CACNA2D3: variants seen among roughly 807,000 people sequenced by gnomAD.
CACNA2D3 encodes the protein calcium voltage-gated channel auxiliary subunit alpha2delta 3.
Under a neutral mutation model 160.6 loss-of-function variants are expected in CACNA2D3, and 60 were observed. That is an observed-to-expected ratio of 0.37 (90% CI 0.30 to 0.46). CACNA2D3 has a LOEUF of 0.46. CACNA2D3 is among the 20% of genes least tolerant of loss of function. CACNA2D3 has a pLI of 1.00. For missense variants in CACNA2D3, 1,205 were observed against 1,365.0 expected (o/e 0.88, Z 1.85); for synonymous variants, 558 against 492.9 (o/e 1.13, Z -1.75).
chr3:54,652,036 G>T (rs780844876), intron 11 of CACNA2D3, among the ~76,000 whole-genome samples: 1 of 151,800 alleles, frequency 6.6e-6, no homozygotes, highest in Non-Finnish European at 1.5e-5. Flanking sequence ...TTGACTGGTT[G>T]AGAGGAGAAG....
At chr3:54,885,181 C>A in intron 21 of CACNA2D3, 100 bp from the exon 22 acceptor site, 1 of 1,260,298 alleles carries the variant, frequency 7.9e-7, no homozygotes. Context: ...TTGATGTCTA[C>A]CCTTAACCCA....
intron 31 of CACNA2D3, among the ~76,000 whole-genome samples, chr3:55,003,580 C>T (rs1442804581): frequency 1.3e-5 from 2 of 151,908 alleles, no homozygotes; most frequent in South Asian, 2.1e-4. Flanking sequence ...TGCCCGTCTT[C>T]GTAGGGGAGG....
chr3:54,192,779 A>T (rs1318285263), intron 2 of CACNA2D3, among the ~76,000 whole-genome samples: 1 of 152,142 alleles, frequency 6.6e-6, no homozygotes, highest in East Asian at 1.9e-4. Context: ...CAGCAAATGA[A>T]CCAGGGGTTA....
intron 2 of CACNA2D3, among the ~76,000 whole-genome samples, chr3:54,277,836 T>C (rs1702782046): frequency 6.6e-6 from 1 of 152,148 alleles, no homozygotes; most frequent in African/African-American, 2.4e-5. Flanking sequence ...CTTGAAGAGG[T>C]CCTTCACATC....
chr3:54,819,247 A>C (rs1031701035), intron 14 of CACNA2D3, among the ~76,000 whole-genome samples: 3 of 152,182 alleles, frequency 2.0e-5, no homozygotes, highest in African/African-American at 7.2e-5. Flanking sequence ...CTCTAAGCCT[A>C]CATGTTTTTA....
intron 10 of CACNA2D3, among the ~76,000 whole-genome samples, chr3:54,629,505 G>C (rs1032668451): frequency 2.0e-5 from 3 of 152,166 alleles, no homozygotes; most frequent in African/African-American, 7.2e-5. Flanking sequence ...AAGGAGAGAA[G>C]GTGCCAAGTC....
chr3:54,678,354 G>A (rs1700279144), intron 11 of CACNA2D3, among the ~76,000 whole-genome samples: 1 of 152,104 alleles, frequency 6.6e-6, no homozygotes, highest in African/African-American at 2.4e-5. Flanking sequence ...ACAAGAGAGA[G>A]TTTAATAGGA....
At chr3:54,935,716 G>A (rs200837970) in intron 27 of CACNA2D3, among the ~76,000 whole-genome samples, 1 of 152,138 alleles carries the variant, frequency 6.6e-6, no homozygotes, top group East Asian at 1.9e-4. Flanking sequence ...TTCAGTTTCT[G>A]TAATAGATTA....
intron 11 of CACNA2D3, among the ~76,000 whole-genome samples, chr3:54,692,133 C>G (rs937103691): frequency 2.6e-5 from 4 of 152,054 alleles, no homozygotes; most frequent in African/African-American, 7.2e-5. Flanking sequence ...GCCACCATGC[C>G]CAGCTAATTT....
At chr3:54,710,717 C>T (rs918665118) in intron 11 of CACNA2D3, among the ~76,000 whole-genome samples, 1 of 152,148 alleles carries the variant, frequency 6.6e-6, no homozygotes, top group Non-Finnish European at 1.5e-5. Flanking sequence ...AAGAGCCTCT[C>T]CCTATAGAAA....
chr3:54,842,593 CT>C (rs1215382528), intron 16 of CACNA2D3, among the ~76,000 whole-genome samples: 1 of 137,680 alleles, frequency 7.3e-6, no homozygotes, highest in African/African-American at 2.7e-5. Flanking sequence ...TTCTCTTTTT[CT>C]TTTTTTTCTT....
chr3:54,422,544 G>A (rs1290773341), intron 4 of CACNA2D3, among the ~76,000 whole-genome samples: 2 of 152,156 alleles, frequency 1.3e-5, no homozygotes, highest in Non-Finnish European at 2.9e-5. Flanking sequence ...CAACAGATAC[G>A]AAGAGTGAGT....
At chr3:54,528,287 G>A (rs1189653792) in intron 5 of CACNA2D3, among the ~76,000 whole-genome samples, 1 of 146,020 alleles carries the variant, frequency 6.8e-6, no homozygotes, top group African/African-American at 2.5e-5. Flanking sequence ...AAATGGGCAT[G>A]AGAATAGTTT....
In CACNA2D3 at chr3:54,789,352, A is replaced by G. The variant is rs573883953; in HGVS notation, c.1380+25001A>G. Among the ~76,000 whole-genome samples, 13 of 152,340 alleles carry G rather than the reference A, an allele frequency of 8.5e-5. No homozygotes were observed. In the East Asian group the frequency reaches 2.5e-3, roughly 29 times the overall value. ...TGGTGAGTTATTAAAGCATTAAGAC[A>G]TTTGCCCTTTATCTGAATAATCCCT... On this transcript the variant is annotated intron_variant, in intron 13 of 37. Coordinates refer to ENST00000474759, the MANE Select transcript of CACNA2D3 (RefSeq NM_018398.3).
intron 13 of CACNA2D3, among the ~76,000 whole-genome samples, chr3:54,812,776 T>C (rs1227861963): frequency 2.0e-5 from 3 of 152,182 alleles, no homozygotes; most frequent in Non-Finnish European, 4.4e-5. Flanking sequence ...TCCTTGACTT[T>C]CAACAGGAAC....
At chr3:54,930,105 G>A (rs952561461) in intron 27 of CACNA2D3, among the ~76,000 whole-genome samples, 21 of 152,316 alleles carry the variant, frequency 1.4e-4, no homozygotes, top group African/African-American at 4.8e-4. Context: ...AAATCAATGG[G>A]TGTGCCTGCA....
intron 11 of CACNA2D3, among the ~76,000 whole-genome samples, chr3:54,728,898 T>C (rs754709340): frequency 3.9e-5 from 6 of 152,202 alleles, no homozygotes; most frequent in Non-Finnish European, 7.3e-5. Context: ...ATTTCAGTCT[T>C]TTAGCTGCTT....
At chr3:54,527,289 C>T (rs149127776) in intron 5 of CACNA2D3, among the ~76,000 whole-genome samples, 62 of 152,328 alleles carry the variant, frequency 4.1e-4, no homozygotes, top group African/African-American at 1.2e-3. Flanking sequence ...CTTATCTACA[C>T]TCAATTGCAA....
At chr3:54,787,009 T>C (rs984903376) in intron 13 of CACNA2D3, among the ~76,000 whole-genome samples, 1 of 152,244 alleles carries the variant, frequency 6.6e-6, no homozygotes, top group African/African-American at 2.4e-5. Flanking sequence ...AACTCTGTGT[T>C]TGTTACTCAT....
Sources: gnomAD v4.1 joint callset for allele counts (sites outside exome capture counted in the v4.1 genomes callset) on GRCh38, gnomAD v4.1.1 for gene constraint, MANE v1.5 for transcripts, NCBI Gene and HGNC (gene_info 2026-07-23, HGNC 2026-07-21) for gene names.